FANCD2OS: variants seen among roughly 807,000 people sequenced by gnomAD.
FANCD2OS encodes FANCD2 opposite strand protein.
Under a neutral mutation model 13.2 loss-of-function variants are expected in FANCD2OS, and 11 were observed. The observed-to-expected ratio is 0.83, with a 90% CI of 0.52 to 1.38. The LOEUF (loss-of-function observed/expected upper bound fraction) is 1.38. Among genes scored for constraint, FANCD2OS ranks in the 40% most tolerant of loss-of-function variants. The probability of loss-of-function intolerance (pLI) is 0.00; values close to 1 mark genes in which losing one functional copy is unlikely to be tolerated. For missense variants in FANCD2OS, 217 were observed against 213.9 expected (o/e 1.01, Z -0.09); for synonymous variants, 69 against 84.5 (o/e 0.82, Z 1.01).
chr3:10,107,803 G>A (rs1382141642), intron 1 of FANCD2OS, among the ~76,000 whole-genome samples: 2 of 151,926 alleles, frequency 1.3e-5, no homozygotes, highest in Admixed American at 6.6e-5. Flanking sequence ...CTAGGTCCCT[G>A]CACCTCTTCG....
downstream of FANCD2OS, chr3:10,098,662 CT>C (rs1695122346): frequency 5.6e-6 from 9 of 1,594,530 alleles, no homozygotes; most frequent in Admixed American, 1.8e-5. Flanking sequence ...ACCTTCTCCC[CT>C]ATTACCCTAA....
intron 2 of FANCD2OS, among the ~76,000 whole-genome samples, chr3:10,082,669 T>G (rs1175275366): frequency 1.3e-5 from 2 of 152,158 alleles, no homozygotes; most frequent in African/African-American, 2.4e-5. Flanking sequence ...CCCCAGCTTT[T>G]TCTGACTCAT....
At chr3:10,101,306 G>C (rs188403544), downstream of FANCD2OS, 2 of 1,407,740 alleles carry the variant, frequency 1.4e-6, no homozygotes, top group Non-Finnish European at 2.0e-6. Flanking sequence ...CTGCCAGCCT[G>C]TGATCATTTT....
intron 2 of FANCD2OS, among the ~76,000 whole-genome samples, chr3:10,081,939 T>C (rs770454845): frequency 6.6e-6 from 1 of 152,206 alleles, no homozygotes; most frequent in Non-Finnish European, 1.5e-5. Context: ...TTAAATACTT[T>C]TGTTCCTCAG....
chr3:10,086,205 T>C (rs2125070328), intron 2 of FANCD2OS, among the ~76,000 whole-genome samples: 1 of 152,358 alleles, frequency 6.6e-6, no homozygotes, highest in Middle Eastern at 3.4e-3. Context: ...AATCAACTCT[T>C]GATTATCCAG....
chr3:10,105,749 T>TAA (rs142496934), intron 1 of FANCD2OS, among the ~76,000 whole-genome samples: 10 of 22,266 alleles, frequency 4.5e-4, no homozygotes, highest in African/African-American at 2.3e-3. Context: ...AGACTCCATC[T>TAA]AAAAAAAAAA....
At chr3:10,088,428 C>T in intron 2 of FANCD2OS, 1 of 1,492,210 alleles carries the variant, frequency 6.7e-7, no homozygotes, top group Non-Finnish European at 9.4e-7. Flanking sequence ...TGTAAGATTC[C>T]TTTGTCTTCT....
At chr3:10,088,701 C>T (rs1559404743) in intron 2 of FANCD2OS, 1 of 1,164,716 alleles carries the variant, frequency 8.6e-7, no homozygotes, top group Non-Finnish European at 1.3e-6. Flanking sequence ...TCTTAAGATC[C>T]TCTGGTTCTG....
rs565369707 is a variant in FANCD2OS at position 10,095,686 on chromosome 3, G to A, written c.*43+8512C>T. Among the ~76,000 whole-genome samples the A allele has an allele frequency of 5.9e-5, 9 of 152,168 alleles. No homozygotes were observed. The South Asian group carries it at 1.9e-3, about 32-fold the overall frequency. On this transcript the variant is annotated intron_variant, in intron 2 of 2. Coordinates refer to the FANCD2OS transcript ENST00000524279. ...TTCAAGGAACTCATCTATGTCTTATGAGAACATCTTAGCATTAAAGGATTT... is the reference window on the plus strand; with the variant it reads ...TTCAAGGAACTCATCTATGTCTTATAAGAACATCTTAGCATTAAAGGATTT...
At chr3:10,088,301 C>T (rs1694358270) in intron 2 of FANCD2OS, 3 of 694,228 alleles carry the variant, frequency 4.3e-6, no homozygotes, top group South Asian at 3.0e-5. Context: ...AACGTGACAG[C>T]TTTTTGTAAG....
At chr3:10,105,848 G>T (rs1159005943) in intron 1 of FANCD2OS, among the ~76,000 whole-genome samples, 1 of 129,522 alleles carries the variant, frequency 7.7e-6, no homozygotes, top group African/African-American at 2.8e-5. Context: ...TATGAACCCT[G>T]TAGTAGCAGC....
rs2125095695 is a variant in FANCD2OS, at chr3:10,096,477, G to T, written c.*43+7721C>A. Reference sequence around the variant, plus strand: ...CTAAAAAACCGGGACTTGCAGGTAAGCCTTGGATCCTGCTAGTGATAATCC... The same window carrying T: ...CTAAAAAACCGGGACTTGCAGGTAATCCTTGGATCCTGCTAGTGATAATCC... On this transcript the variant is annotated intron_variant, in intron 2 of 2. Coordinates refer to the FANCD2OS transcript ENST00000524279. 1.2e-6 allele frequency: 2 copies of T among 1,613,754 alleles called. No individual in the cohort carries two copies. Among genetic ancestry groups the T allele is most frequent in the Non-Finnish European group, 1.7e-6 (2 of 1,179,690 alleles).
intron 2 of FANCD2OS, chr3:10,088,680 G>A (rs1383481278): frequency 2.8e-6 from 3 of 1,089,748 alleles, no homozygotes; most frequent in Non-Finnish European, 2.8e-6. Context: ...ACACAATTTG[G>A]AACATGTGGA....
chr3:10,091,808 A>G (rs1694627473), intron 2 of FANCD2OS, among the ~76,000 whole-genome samples: 1 of 152,230 alleles, frequency 6.6e-6, no homozygotes, highest in African/African-American at 2.4e-5. Flanking sequence ...AGAATCAGCA[A>G]CTACCACCGG....
intron 1 of FANCD2OS, among the ~76,000 whole-genome samples, chr3:10,105,060 C>G (rs1695432568): frequency 6.6e-6 from 1 of 152,050 alleles, no homozygotes; most frequent in Admixed American, 6.6e-5. Flanking sequence ...GCCATGTTGG[C>G]CAGGCTGCTC....
intron 2 of FANCD2OS, among the ~76,000 whole-genome samples, chr3:10,091,596 A>C (rs947987237): frequency 6.6e-6 from 1 of 151,966 alleles, no homozygotes; most frequent in Non-Finnish European, 1.5e-5. Context: ...CAGTATCTCA[A>C]ACAGGCTGGC....
intron 2 of FANCD2OS, among the ~76,000 whole-genome samples, chr3:10,085,637 G>A (rs549109808): frequency 3.9e-5 from 6 of 151,990 alleles, no homozygotes; most frequent in East Asian, 3.9e-4. Flanking sequence ...TTATTCGCCC[G>A]CCTCAGCCTC....
chr3:10,099,407 GAGTCCGGGAGCTCA>G (rs1484497129), downstream of FANCD2OS: 2 of 967,314 alleles, frequency 2.1e-6, no homozygotes, highest in African/African-American at 3.5e-5. Context: ...AGGATTGCTT[GAGTCCGGGAGCTCA>G]AGGCAAAGCT....
chr3:10,089,983 T>C (rs1238073084), intron 2 of FANCD2OS, among the ~76,000 whole-genome samples: 1 of 152,210 alleles, frequency 6.6e-6, no homozygotes, highest in Non-Finnish European at 1.5e-5. Context: ...AGAGAACTTC[T>C]CAAGCTTACA....
Sources: gnomAD v4.1 joint callset for allele counts (sites outside exome capture counted in the v4.1 genomes callset) on GRCh38, gnomAD v4.1.1 for gene constraint, MANE v1.5 for transcripts, NCBI Gene and HGNC (gene_info 2026-07-23, HGNC 2026-07-21) for gene names.